The following TNRC6A variants were observed in gnomAD, a reference collection of about 807,000 sequenced individuals.
TNRC6A encodes the protein trinucleotide repeat containing adaptor 6A.
A neutral mutation model predicts 221.2 loss-of-function variants in TNRC6A; 44 were observed. The ratio of observed to expected loss-of-function variants is 0.20; its 90% CI spans 0.16 to 0.26. TNRC6A has a LOEUF of 0.26. TNRC6A is among the 10% of genes least tolerant of loss of function. TNRC6A has a pLI of 1.00. For synonymous variants in TNRC6A, 847 were observed against 838.5 expected (o/e 1.01, Z -0.18); for missense variants, 2,199 against 2,404.4 (o/e 0.91, Z 1.79).
intron 2 of TNRC6A, among the ~76,000 whole-genome samples, chr16:24,646,443 A>G (rs1363198272): frequency 1.3e-5 from 2 of 152,210 alleles, no homozygotes; most frequent in African/African-American, 2.4e-5. Context: ...TACACTGAAC[A>G]GTTTTAACAA....
intron 3 of TNRC6A, among the ~76,000 whole-genome samples, chr16:24,751,208 C>G (rs2057129582): frequency 6.6e-6 from 1 of 152,204 alleles, no homozygotes; most frequent in African/African-American, 2.4e-5. Context: ...CTCTCTGGGC[C>G]TTAGTTTCCT....
chr16:24,745,597 A>G lies in TNRC6A; in HGVS notation c.54-5129A>G, dbSNP rs1011925287. ...CTGATAGGCTAGTTGGGCCCTCAGG[A>G]AAGTTGCTTCCTGTTTTCTGTCTCC... On this transcript the variant is annotated intron_variant, in intron 2 of 24. Coordinates refer to ENST00000395799, the MANE Select transcript of TNRC6A (RefSeq NM_014494.4). Among the ~76,000 whole-genome samples the G allele has an allele frequency of 4.6e-5, 7 of 152,116 alleles. No homozygotes were observed. The South Asian group carries it at 1.2e-3, about 27-fold the overall frequency.
rs2056594773 is a variant in TNRC6A at position 24,730,189 on chromosome 16, C to T, written c.6-64C>T. On this transcript the variant is annotated intron_variant, in intron 1 of 24. Coordinates refer to ENST00000395799, the MANE Select transcript of TNRC6A (RefSeq NM_014494.4). ...GCCTCTGCCGCAGCAGCTCCGTTTT[C>T]ACGCGCATCTCGTTTTTGTGTGTGT... 6.8e-6 allele frequency: 9 copies of T among 1,324,906 alleles called. No homozygotes were observed. In the South Asian group the frequency reaches 1.2e-4, roughly 17 times the overall value. 82.1% of individuals were successfully genotyped at this position (1,324,906 alleles called of 1,614,324 possible).
chr16:24,674,234 A>G (rs1274166591), intron 2 of TNRC6A, among the ~76,000 whole-genome samples: 2 of 151,668 alleles, frequency 1.3e-5, no homozygotes, highest in East Asian at 3.9e-4. Flanking sequence ...CACGCCAGCT[A>G]TTTTTTTATT....
intron 1 of TNRC6A, among the ~76,000 whole-genome samples, chr16:24,622,399 G>A (rs140499564): frequency 2.0e-5 from 3 of 152,216 alleles, no homozygotes; most frequent in African/African-American, 4.8e-5. Context: ...TCAGGAGTTC[G>A]AGACCAGCCT....
intron 11 of TNRC6A, among the ~76,000 whole-genome samples, chr16:24,799,935 C>G (rs1049185286): frequency 2.0e-5 from 3 of 152,192 alleles, no homozygotes; most frequent in Admixed American, 2.0e-4. Flanking sequence ...CCCAGAGAAT[C>G]CCCTGGGTTC....
chr16:24,656,399 G>A (rs574431786), intron 2 of TNRC6A, among the ~76,000 whole-genome samples: 55 of 150,440 alleles, frequency 3.7e-4, no homozygotes, highest in African/African-American at 4.1e-4. Flanking sequence ...CCCGGGAGGC[G>A]GAGGTTGCAG....
intron 6 of TNRC6A, among the ~76,000 whole-genome samples, chr16:24,792,322 T>C (rs1240257525): frequency 6.6e-6 from 1 of 152,220 alleles, no homozygotes; most frequent in Non-Finnish European, 1.5e-5. Context: ...ATATCCTTAC[T>C]TTCCTCTCTA....
At chr16:24,738,878 C>T (rs1040377144) in intron 2 of TNRC6A, among the ~76,000 whole-genome samples, 1 of 152,114 alleles carries the variant, frequency 6.6e-6, no homozygotes, top group African/African-American at 2.4e-5. Context: ...GTTTTTGAGA[C>T]GGACTCCCTC....
intron 2 of TNRC6A, among the ~76,000 whole-genome samples, chr16:24,700,274 T>C (rs992975539): frequency 1.3e-5 from 2 of 151,944 alleles, no homozygotes; most frequent in Non-Finnish European, 1.5e-5. Context: ...CTCACTCTGT[T>C]GCCCAGGCTG....
chr16:24,700,635 G>A (rs1159919725), intron 2 of TNRC6A, among the ~76,000 whole-genome samples: 1 of 152,044 alleles, frequency 6.6e-6, no homozygotes, highest in Non-Finnish European at 1.5e-5. Context: ...AATGACCTAT[G>A]GATCTTCGTG....
At chr16:24,708,041 A>G (rs890871270) in intron 2 of TNRC6A, among the ~76,000 whole-genome samples, 2 of 151,984 alleles carry the variant, frequency 1.3e-5, no homozygotes, top group African/African-American at 2.4e-5. Context: ...CCTGGGTGAC[A>G]GAGTGAGACT....
chr16:24,654,196 G>T (rs1165829135), intron 2 of TNRC6A, among the ~76,000 whole-genome samples: 2 of 152,140 alleles, frequency 1.3e-5, no homozygotes, highest in Non-Finnish European at 2.9e-5. Context: ...AAAATGCTGG[G>T]ATTACAGGTG....
At position 24,823,414 on chromosome 16, in the gene TNRC6A, G is replaced by T; in HGVS notation, c.5514-18G>T. Reference sequence around the variant, plus strand: ...TGGTGTGCTGTCCTCACGTGTCCGCGGTGCCTCTCTCCTCTAGGTGTGTAC... The same window carrying T: ...TGGTGTGCTGTCCTCACGTGTCCGCTGTGCCTCTCTCCTCTAGGTGTGTAC... On this transcript the variant is annotated intron_variant, in intron 24 of 24. Transcript: ENST00000395799. The surrounding 1 kb of genome is among the most constrained non-coding windows in gnomAD (Gnocchi z 4.3). The T allele has an allele frequency of 1.6e-5, 26 of 1,593,790 alleles. No individual in the cohort carries two copies. The highest frequency in any genetic ancestry group is 2.2e-5 in the Non-Finnish European group (26 of 1,167,408).
rs1472753107 is a variant in TNRC6A at position 24,823,844 on chromosome 16, C to T, written c.*37C>T. On this transcript the variant is annotated 3_prime_UTR_variant, in exon 25 of 25. Coordinates refer to ENST00000395799, the MANE Select transcript of TNRC6A (RefSeq NM_014494.4). This position sits in a 1 kb window ranked among gnomAD's most constrained non-coding sequence, Gnocchi z 4.3. ...CAGACTCACCGACCGGGACCTCAGA[C>T]GCGAGGGAAAGGAGCACTAAGTGGG... 30 of 1,370,352 alleles carry T rather than the reference C, an allele frequency of 2.2e-5. No individual in the cohort carries two copies. Among genetic ancestry groups the T allele is most frequent in the African/African-American group, 3.0e-5 (2 of 67,152 alleles). The allele number at this position is 1,370,352 out of a possible 1,614,324, so 84.9% of individuals were successfully genotyped here.
At chr16:24,802,754 A>C (rs926207517) in intron 11 of TNRC6A, among the ~76,000 whole-genome samples, 2 of 152,224 alleles carry the variant, frequency 1.3e-5, no homozygotes, top group Non-Finnish European at 2.9e-5. Flanking sequence ...CCCTGAGTCT[A>C]CTTTGTCAGC....
At chr16:24,687,390 A>C (rs2055648307) in intron 2 of TNRC6A, among the ~76,000 whole-genome samples, 1 of 152,186 alleles carries the variant, frequency 6.6e-6, no homozygotes, top group Non-Finnish European at 1.5e-5. Flanking sequence ...CCTCTTTATC[A>C]TGGCACGTAA....
chr16:24,711,899 G>T (rs545593988), intron 2 of TNRC6A, among the ~76,000 whole-genome samples: 2 of 152,108 alleles, frequency 1.3e-5, no homozygotes, highest in African/African-American at 4.8e-5. Context: ...GGGCTCAAGC[G>T]ATCCTCCTGC....
Position 24,729,780 on chromosome 16 carries a change from G to C in TNRC6A, c.-62G>C. 1 of 1,391,370 alleles carries C rather than the reference G, an allele frequency of 7.2e-7. No individual in the cohort carries two copies. Among genetic ancestry groups the C allele is most frequent in the South Asian group, 1.6e-5 (1 of 61,880 alleles). 86.2% of individuals were successfully genotyped at this position (1,391,370 alleles called of 1,614,324 possible). On this transcript the variant is annotated 5_prime_UTR_variant, in exon 1 of 25. Coordinates refer to ENST00000395799, the MANE Select transcript of TNRC6A (RefSeq NM_014494.4). The stretch of plus-strand genomic sequence containing the variant: ...CTCGGGCCTCTCCCCGCGGCGCTGC[G>C]GAGGGCTTGAGGCTCGCGAGCCTCC...
Sources: gnomAD v4.1 joint callset for allele counts (sites outside exome capture counted in the v4.1 genomes callset) on GRCh38, gnomAD v4.1.1 for gene constraint, Gnocchi (gnomAD v3.1) non-coding constraint, MANE v1.5 for transcripts, NCBI Gene and HGNC (gene_info 2026-07-23, HGNC 2026-07-21) for gene names.